Variants in SOS1 observed in about 807,000 individuals in gnomAD.
SOS1 encodes SOS Ras/Rac guanine nucleotide exchange factor 1, also known as son of sevenless homolog 1.
Under a neutral mutation model 157.6 loss-of-function variants are expected in SOS1, and 25 were observed. The ratio of observed to expected loss-of-function variants is 0.16; its 90% CI spans 0.12 to 0.22. The LOEUF is 0.22. SOS1 is among the 10% of genes least tolerant of loss of function. SOS1 has a pLI of 1.00. For missense variants in SOS1, 1,237 were observed against 1,599.1 expected (o/e 0.77, Z 3.86); for synonymous variants, 528 against 534.0 (o/e 0.99, Z 0.16).
chr2:39,022,248 G>C (rs868715855), intron 10 of SOS1, among the ~76,000 whole-genome samples: 11 of 151,700 alleles, frequency 7.3e-5, no homozygotes, highest in African/African-American at 2.4e-4. Flanking sequence ...AAAGATAAAG[G>C]AGTAAAAAAC....
Position 39,120,431 on chromosome 2 carries a change from C to T in SOS1, c.-9G>A, listed in dbSNP as rs587781175. On this transcript the variant is annotated 5_prime_UTR_variant, in exon 1 of 23. Coordinates refer to ENST00000402219, the MANE Select transcript of SOS1 (RefSeq NM_005633.4). The stretch of plus-strand genomic sequence containing the variant: ...AGCTGCTGCGCCTGCATGGTGCCCC[C>T]GGGGCGCCTCTGGGCGGGGAGAGGG... The T allele has an allele frequency of 3.2e-6, 5 of 1,578,534 alleles. No homozygotes were observed. The highest frequency in any genetic ancestry group is 2.0e-4 in the Middle Eastern group (1 of 4,980).
At chr2:39,020,927 C>A (rs1472399359) in intron 10 of SOS1, among the ~76,000 whole-genome samples, 1 of 151,530 alleles carries the variant, frequency 6.6e-6, no homozygotes, top group African/African-American at 2.4e-5. Flanking sequence ...ACAACACTGG[C>A]CTTTTATTTC....
At position 39,010,896 on chromosome 2, in the gene SOS1, C is replaced by CTTCT. The variant is rs70954776; in HGVS notation, c.2391-194_2391-193insAGAA. Among the ~76,000 whole-genome samples the CTTCT allele has an allele frequency of 0.86, 113,791 of 132,822 alleles. 48,089 individuals are homozygous for CTTCT. Among genetic ancestry groups the CTTCT allele is most frequent in the Non-Finnish European group, 0.92 (60,411 of 65,874 alleles). 87.1% of individuals were successfully genotyped at this position (132,822 alleles called of 152,430 possible). A position where few individuals can be genotyped will look rare whatever the true frequency, so the allele number is the denominator to read the frequency against. On this transcript the variant is annotated intron_variant, in intron 14 of 22. Coordinates refer to ENST00000402219, the MANE Select transcript of SOS1 (RefSeq NM_005633.4). ...TATTTCCTTATGGATTTTTTTTAAA[C>CTTCT]TTTTTTTTTTTTTTTTGAGATGGAG... is the stretch of plus-strand genomic sequence containing the variant.
intron 1 of SOS1, among the ~76,000 whole-genome samples, chr2:39,114,298 CT>C (rs747826503): frequency 3.9e-3 from 557 of 143,814 alleles, no homozygotes; most frequent in South Asian, 0.013. Flanking sequence ...TTGTTCTTTT[CT>C]TTTTTTTTTT....
rs1192817647 is a variant in SOS1, at chr2:39,018,718, T to C, written c.1858+3852A>G. Among the ~76,000 whole-genome samples, 4 of 151,746 alleles carry C rather than the reference T, an allele frequency of 2.6e-5. No individual in the cohort carries two copies. In the East Asian group the frequency reaches 7.7e-4, roughly 29 times the overall value. The stretch of plus-strand genomic sequence containing the variant: ...ATTTATTACATAAAAAAGTTATTTA[T>C]GTAAAGACCACCCCACCCCCAACCA... On this transcript the variant is annotated intron_variant, in intron 10 of 22. Coordinates refer to ENST00000402219, the MANE Select transcript of SOS1 (RefSeq NM_005633.4).
At chr2:39,014,118 A>G (rs940568178) in intron 11 of SOS1, 129 bp from the exon 12 acceptor site, 143 of 667,962 alleles carry the variant, frequency 2.1e-4, no homozygotes, top group Middle Eastern at 4.1e-4. Flanking sequence ...AGATATGCAT[A>G]TCAGTGTAAA....
At chr2:39,044,811 A>G (rs573590922) in intron 6 of SOS1, among the ~76,000 whole-genome samples, 1 of 152,050 alleles carries the variant, frequency 6.6e-6, no homozygotes, top group South Asian at 2.1e-4. Context: ...CCTAGAACCA[A>G]TTCCCCACAT....
intron 6 of SOS1, among the ~76,000 whole-genome samples, chr2:39,037,189 C>A (rs1340561979): frequency 6.6e-6 from 1 of 152,136 alleles, no homozygotes; most frequent in Non-Finnish European, 1.5e-5. Flanking sequence ...AAATTGGAGT[C>A]TATTACGTTT....
intron 20 of SOS1, among the ~76,000 whole-genome samples, chr2:38,994,318 C>T (rs1405163560): frequency 1.3e-5 from 2 of 152,128 alleles, no homozygotes; most frequent in Admixed American, 6.6e-5. Context: ...TAGGACAGTG[C>T]TGGTCTAGAA....
intron 2 of SOS1, among the ~76,000 whole-genome samples, chr2:39,066,867 G>A (rs1671604486): frequency 6.6e-6 from 1 of 152,076 alleles, no homozygotes; most frequent in Non-Finnish European, 1.5e-5. Flanking sequence ...GAAATGCTTG[G>A]ACATATGCCA....
At chr2:39,076,255 C>A (rs1398762806) in intron 1 of SOS1, among the ~76,000 whole-genome samples, 1 of 152,090 alleles carries the variant, frequency 6.6e-6, no homozygotes, top group African/African-American at 2.4e-5. Context: ...CAAAAATTAG[C>A]CAGGCATGGT....
intron 20 of SOS1, among the ~76,000 whole-genome samples, chr2:38,994,268 C>T (rs967746799): frequency 1.1e-4 from 16 of 152,114 alleles, no homozygotes; most frequent in Non-Finnish European, 2.1e-4. Context: ...ATGAGGCTAA[C>T]TAGACAATTG....
At chr2:39,032,507 T>C (rs1438193175) in intron 8 of SOS1, among the ~76,000 whole-genome samples, 2 of 152,226 alleles carry the variant, frequency 1.3e-5, no homozygotes, top group Admixed American at 6.5e-5. Flanking sequence ...TTGCCACTCA[T>C]TTTTTAACAA....
chr2:39,121,262 G>C (rs1387212777), upstream of SOS1, among the ~76,000 whole-genome samples: 1 of 152,168 alleles, frequency 6.6e-6, no homozygotes. Flanking sequence ...GTGATGACTA[G>C]GGTAAAGAGG....
chr2:39,070,202 C>T (rs1221636832), intron 1 of SOS1, among the ~76,000 whole-genome samples: 1 of 152,134 alleles, frequency 6.6e-6, no homozygotes, highest in African/African-American at 2.4e-5. Context: ...TCTTTTTGTA[C>T]ACTGATTTGC....
intron 2 of SOS1, among the ~76,000 whole-genome samples, chr2:39,061,444 A>G (rs1025973110): frequency 1.1e-4 from 17 of 152,056 alleles, no homozygotes; most frequent in African/African-American, 4.1e-4. Flanking sequence ...CTGGAGTGCA[A>G]TGATGCAATC....
At chr2:38,989,953 T>C (rs1668679962) in intron 20 of SOS1, among the ~76,000 whole-genome samples, 1 of 152,046 alleles carries the variant, frequency 6.6e-6, no homozygotes, top group Admixed American at 6.6e-5. Context: ...ATTAATTATT[T>C]TAAGGAAAAA....
intron 15 of SOS1, among the ~76,000 whole-genome samples, chr2:39,008,585 A>G (rs1223989341): frequency 1.3e-5 from 2 of 152,246 alleles, no homozygotes; most frequent in Admixed American, 1.3e-4. Flanking sequence ...CAACTAGGAA[A>G]TAAGACGGCT....
intron 14 of SOS1, among the ~76,000 whole-genome samples, chr2:39,011,100 T>C (rs980654087): frequency 1.3e-5 from 2 of 152,158 alleles, no homozygotes; most frequent in Non-Finnish European, 1.5e-5. Context: ...TTTCACCATG[T>C]TGGCCAGGCT....
Sources: gnomAD v4.1 joint callset for allele counts (sites outside exome capture counted in the v4.1 genomes callset) on GRCh38, gnomAD v4.1.1 for gene constraint, MANE v1.5 for transcripts, NCBI Gene and HGNC (gene_info 2026-07-23, HGNC 2026-07-21) for gene names.